Variants in BMPR1B observed in about 807,000 individuals in gnomAD.
The protein encoded by BMPR1B is bone morphogenetic protein receptor type 1B.
In BMPR1B, 12 loss-of-function variants were observed where a neutral mutation model predicts 59.1. The ratio of observed to expected loss-of-function variants is 0.20; its 90% CI spans 0.13 to 0.33. BMPR1B has a LOEUF of 0.33. BMPR1B is among the 10% of genes least tolerant of loss of function. BMPR1B has a pLI of 1.00. For synonymous variants in BMPR1B, 237 were observed against 207.3 expected (o/e 1.14, Z -1.23); for missense variants, 550 against 610.9 (o/e 0.90, Z 1.05).
intron 1 of BMPR1B, among the ~76,000 whole-genome samples, chr4:94,852,467 C>T (rs548875761): frequency 3.9e-5 from 6 of 152,142 alleles, no homozygotes; most frequent in African/African-American, 1.4e-4. Flanking sequence ...TTTAATATTA[C>T]TAAAATATGA....
intron 2 of BMPR1B, among the ~76,000 whole-genome samples, chr4:94,979,353 A>C (rs1009123997): frequency 2.0e-5 from 3 of 152,258 alleles, no homozygotes; most frequent in African/African-American, 7.2e-5. Context: ...GTTAAAAAAA[A>C]ACTTACACAT....
intron 2 of BMPR1B, among the ~76,000 whole-genome samples, chr4:94,992,825 G>C (rs1018647804): frequency 6.6e-6 from 1 of 152,056 alleles, no homozygotes; most frequent in Non-Finnish European, 1.5e-5. Context: ...TCTTTACACT[G>C]TCTATTGTGT....
chr4:94,920,491 TG>T (rs1388676820), intron 2 of BMPR1B, among the ~76,000 whole-genome samples: 1 of 152,200 alleles, frequency 6.6e-6, no homozygotes, highest in African/African-American at 2.4e-5. Context: ...ATTGGCTTTT[TG>T]CAAAGGTCTT....
intron 2 of BMPR1B, among the ~76,000 whole-genome samples, chr4:94,917,047 G>T (rs1728511246): frequency 6.6e-6 from 1 of 152,260 alleles, no homozygotes; most frequent in African/African-American, 2.4e-5. Flanking sequence ...GCTTCCATGT[G>T]GTGTTAAGCC....
At position 95,114,231 on chromosome 4, in the gene BMPR1B, G is replaced by T. The variant is rs75329279; in HGVS notation, c.144-489G>T. On this transcript the variant is annotated intron_variant, in intron 4 of 12. Transcript: ENST00000515059. ...TCTCAGAGCAAGAACAGTATAAACA[G>T]TCACCTGCCTGGATTCACACCCTTG... Among the ~76,000 whole-genome samples the T allele has an allele frequency of 1.8e-3, 272 of 152,190 alleles. 8 individuals carry two copies. The East Asian group carries it at 0.049, about 28-fold the overall frequency.
At chr4:95,096,978 T>C (rs1299930442) in intron 3 of BMPR1B, among the ~76,000 whole-genome samples, 16 of 144,342 alleles carry the variant, frequency 1.1e-4, no homozygotes, top group Non-Finnish European at 2.0e-4. Context: ...TATATAGTTA[T>C]ATAGTTTAAT....
chr4:95,089,448 T>C (rs372436813), intron 3 of BMPR1B, among the ~76,000 whole-genome samples: 1 of 152,054 alleles, frequency 6.6e-6, no homozygotes. Flanking sequence ...TGAGAAGATA[T>C]GAATTCGATA....
chr4:94,991,761 C>T (rs1721773954), intron 2 of BMPR1B, among the ~76,000 whole-genome samples: 1 of 152,120 alleles, frequency 6.6e-6, no homozygotes, highest in Non-Finnish European at 1.5e-5. Context: ...AGCTTTTACT[C>T]TGAGTAAAAT....
At chr4:94,788,984 GC>G (rs963979961) in intron 1 of BMPR1B, among the ~76,000 whole-genome samples, 30 of 152,160 alleles carry the variant, frequency 2.0e-4, no homozygotes, top group African/African-American at 7.0e-4. Context: ...TGAAGGCCTG[GC>G]CTTTGCCCAT....
At chr4:94,883,426 A>G (rs887424448) in intron 2 of BMPR1B, among the ~76,000 whole-genome samples, 6 of 152,162 alleles carry the variant, frequency 3.9e-5, no homozygotes, top group Non-Finnish European at 5.9e-5. Flanking sequence ...TACTACTGTG[A>G]TAGCTTATTC....
At chr4:94,922,403 C>T (rs1395805881) in intron 2 of BMPR1B, among the ~76,000 whole-genome samples, 1 of 152,050 alleles carries the variant, frequency 6.6e-6, no homozygotes, top group East Asian at 1.9e-4. Context: ...AACACAATAG[C>T]AATGTTTAAT....
intron 2 of BMPR1B, among the ~76,000 whole-genome samples, chr4:94,968,606 G>T (rs549648282): frequency 6.6e-6 from 1 of 152,062 alleles, no homozygotes. Context: ...TAGTTTTGAC[G>T]TTGACCCTTA....
chr4:95,053,039 G>A (rs939747629), intron 3 of BMPR1B, among the ~76,000 whole-genome samples: 2 of 152,086 alleles, frequency 1.3e-5, no homozygotes, highest in South Asian at 2.1e-4. Context: ...TGAAATACAC[G>A]AATACTTGGC....
At chr4:95,122,562 G>T (rs1289631041) in intron 6 of BMPR1B, among the ~76,000 whole-genome samples, 2 of 152,136 alleles carry the variant, frequency 1.3e-5, no homozygotes, top group African/African-American at 4.8e-5. Context: ...TATTATAAAT[G>T]AGAACAACCT....
chr4:94,871,608 T>C (rs934413987), intron 1 of BMPR1B, among the ~76,000 whole-genome samples: 1 of 152,220 alleles, frequency 6.6e-6, no homozygotes, highest in African/African-American at 2.4e-5. Context: ...TTTTGGACTC[T>C]AGAATTTAAT....
intron 1 of BMPR1B, among the ~76,000 whole-genome samples, chr4:94,836,028 T>G (rs367991883): frequency 4.1e-5 from 6 of 145,464 alleles, no homozygotes; most frequent in Middle Eastern, 3.5e-3. Context: ...TTTGTTCTTG[T>G]GATAGTTTAC....
chr4:95,017,764 C>T (rs907856166), intron 3 of BMPR1B, among the ~76,000 whole-genome samples: 2 of 152,098 alleles, frequency 1.3e-5, no homozygotes, highest in Middle Eastern at 3.2e-3. Flanking sequence ...AAATTTGGGT[C>T]TTGAAATGGC....
intron 2 of BMPR1B, among the ~76,000 whole-genome samples, chr4:94,905,230 C>A (rs899237777): frequency 1.8e-4 from 27 of 151,868 alleles, no homozygotes; most frequent in Admixed American, 1.3e-3. Context: ...TGCTTTTATT[C>A]AAAAAATAGC....
chr4:94,840,861 T>A, intron 1 of BMPR1B, among the ~76,000 whole-genome samples: 1 of 148,204 alleles, frequency 6.7e-6, no homozygotes, highest in South Asian at 2.2e-4. Flanking sequence ...GTTTCCAGTT[T>A]TTCTGTTCTG....
Sources: allele counts gnomAD v4.1 joint callset (sites outside exome capture counted in the v4.1 genomes callset), GRCh38; gene constraint gnomAD v4.1.1; transcripts MANE v1.5; gene names NCBI Gene and HGNC (gene_info 2026-07-23, HGNC 2026-07-21).